PCDHGA3: variants seen among roughly 807,000 people sequenced by gnomAD.
PCDHGA3 encodes the protein protocadherin gamma subfamily A, 3.
PCDHGA3 carries 40 observed loss-of-function variants against 58.5 expected under a neutral mutation model. The observed-to-expected ratio is 0.68, with a 90% CI of 0.53 to 0.89. The LOEUF is 0.89. PCDHGA3 is among the 40% of genes least tolerant of loss of function. PCDHGA3 has a pLI of 0.00. For missense variants in PCDHGA3, 1,223 were observed against 1,195.9 expected (o/e 1.02, Z -0.33); for synonymous variants, 530 against 525.7 (o/e 1.01, Z -0.11).
intron 1 of PCDHGA3, among the ~76,000 whole-genome samples, chr5:141,347,121 T>A (rs1242692658): frequency 2.1e-5 from 3 of 140,036 alleles, no homozygotes; most frequent in Non-Finnish European, 3.2e-5. Context: ...CCTCCTTCCT[T>A]CCTTCCTCTG....
intron 1 of PCDHGA3, among the ~76,000 whole-genome samples, chr5:141,363,553 A>G (rs954649159): frequency 4.6e-5 from 7 of 152,274 alleles, no homozygotes; most frequent in African/African-American, 9.6e-5. Context: ...ATATTTGAAC[A>G]TGGTAATAGA....
intron 1 of PCDHGA3, chr5:141,389,992 T>C (rs1454071261): frequency 6.2e-7 from 1 of 1,614,010 alleles, no homozygotes; most frequent in South Asian, 1.1e-5. Flanking sequence ...CTCTTCCTCG[T>C]GGCCATGATT....
rs746729408 is a variant in PCDHGA3, at chr5:141,344,625, C to T, written c.592C>T (p.Arg198Trp). The change falls in exon 1 of 4, where the codon CGG becomes TGG. Residue 198 changes from arginine to tryptophan, a missense_variant. Arg to Trp is a moderately radical substitution (Grantham distance 101, BLOSUM62 -3). Transcript: ENST00000253812. ...CAAGTATCCAGAGCTGGTGCTGGAG[C>T]GGGCCCTGGACCGTGAGAAAAAAGA... ...GAKYPELVLE[R>W]ALDREKKEIH... is the part of the protein sequence containing the mutation. 5 of 1,613,934 alleles carry T rather than the reference C, an allele frequency of 3.1e-6. No homozygotes were observed. Among genetic ancestry groups the T allele is most frequent in the East Asian group, 4.5e-5 (2 of 44,878 alleles).
At chr5:141,419,184 T>A in intron 1 of PCDHGA3, 1 of 1,613,938 alleles carries the variant, frequency 6.2e-7, no homozygotes, top group Non-Finnish European at 8.5e-7. Context: ...ACCCTGCACA[T>A]TACTGACGTC....
chr5:141,442,798 A>G (rs1055527090), intron 1 of PCDHGA3, among the ~76,000 whole-genome samples: 1 of 152,256 alleles, frequency 6.6e-6, no homozygotes, highest in East Asian at 1.9e-4. Flanking sequence ...TTTTACTTTG[A>G]TATTCAAATT....
intron 1 of PCDHGA3, chr5:141,362,659 C>A: frequency 7.4e-7 from 1 of 1,352,228 alleles, no homozygotes; most frequent in Non-Finnish European, 9.9e-7. Flanking sequence ...TAGATTTGGC[C>A]AATGTTGTGC....
rs1380943019 is a variant in PCDHGA3 at position 141,389,411 on chromosome 5, C to T, written c.2424+42954C>T. ...CCTACGTGTCCATAAGCGCGGAGAG[C>T]GGGGTGGTGTTCGCGCAGCGCGCCT... is the stretch of plus-strand genomic sequence containing the variant. On this transcript the variant is annotated intron_variant, in intron 1 of 3. Coordinates refer to ENST00000253812, the MANE Select transcript of PCDHGA3 (RefSeq NM_018916.4). 8 of 1,613,450 alleles carry T rather than the reference C, an allele frequency of 5.0e-6. No homozygotes were observed. The East Asian group carries it at 6.7e-5, about 13-fold the overall frequency.
At chr5:141,444,329 G>A (rs536314842) in intron 1 of PCDHGA3, among the ~76,000 whole-genome samples, 17 of 151,674 alleles carry the variant, frequency 1.1e-4, no homozygotes, top group Admixed American at 1.1e-3. Flanking sequence ...GTGCCACCAC[G>A]CCCAGCTAAT....
chr5:141,371,961 G>A (rs532361069), intron 1 of PCDHGA3: 18 of 1,613,240 alleles, frequency 1.1e-5, no homozygotes, highest in African/African-American at 2.7e-5. Context: ...CTTCGACCAC[G>A]AGCAGCTGCG....
At chr5:141,448,074 G>A (rs1008235342) in intron 1 of PCDHGA3, among the ~76,000 whole-genome samples, 3 of 151,152 alleles carry the variant, frequency 2.0e-5, no homozygotes, top group Admixed American at 1.3e-4. Context: ...CAACATGAAC[G>A]AAATGCCATC....
intron 1 of PCDHGA3, among the ~76,000 whole-genome samples, chr5:141,373,006 G>GCCT (rs775944130): frequency 4.6e-5 from 7 of 152,146 alleles, no homozygotes; most frequent in Non-Finnish European, 8.8e-5. Context: ...TTCATAGAAA[G>GCCT]CCTCCTTTTG....
chr5:141,414,210 T>G (rs1252033650), intron 1 of PCDHGA3: 1 of 1,612,706 alleles, frequency 6.2e-7, no homozygotes, highest in Admixed American at 1.7e-5. Context: ...AAGATGTAAA[T>G]GACAACAGTC....
chr5:141,418,080 A>T (rs1590086455), intron 1 of PCDHGA3: 1 of 1,614,046 alleles, frequency 6.2e-7, no homozygotes, highest in East Asian at 2.2e-5. Flanking sequence ...GAGAAGCTGC[A>T]CTTCAGCGTA....
At chr5:141,399,624 T>C (rs1006867896) in intron 1 of PCDHGA3, 9 of 1,613,898 alleles carry the variant, frequency 5.6e-6, no homozygotes, top group African/African-American at 4.0e-5. Flanking sequence ...CACTGGCCTC[T>C]TACGTGTCCA....
At chr5:141,418,369 C>G (rs763319499) in intron 1 of PCDHGA3, 62 of 1,613,842 alleles carry the variant, frequency 3.8e-5, no homozygotes, top group Non-Finnish European at 4.8e-5. Context: ...TGAGCAAATA[C>G]CAACTAAGTC....
chr5:141,370,017 C>T lies in PCDHGA3; in HGVS notation c.2424+23560C>T, dbSNP rs1160186023. Among the ~76,000 whole-genome samples the T allele has an allele frequency of 2.0e-5, 3 of 152,276 alleles. No individual in the cohort carries two copies. In the East Asian group the frequency reaches 5.8e-4, roughly 29 times the overall value. On this transcript the variant is annotated intron_variant, in intron 1 of 3. Transcript: ENST00000253812. Reference sequence around the variant, plus strand: ...AGCTCAAATTAAAAGAAATAACAGACTAAAGATATAGTAAGTATATTTAAT... The same window carrying T: ...AGCTCAAATTAAAAGAAATAACAGATTAAAGATATAGTAAGTATATTTAAT...
At chr5:141,385,135 G>T (rs948872903) in intron 1 of PCDHGA3, 7 of 1,614,214 alleles carry the variant, frequency 4.3e-6, no homozygotes, top group African/African-American at 2.7e-5. Context: ...CATGGACGGG[G>T]TGCAGGCTTT....
At position 141,487,448 on chromosome 5, in the gene PCDHGA3, C is replaced by T; in HGVS notation, c.2425-7359C>T. The stretch of plus-strand genomic sequence containing the variant: ...CCGAATCCAGCTAGGGTCAGATGAC[C>T]CTATCAAGTTTGTTGATGTGGGAGG... On this transcript the variant is annotated intron_variant, in intron 1 of 3. Coordinates refer to ENST00000253812, the MANE Select transcript of PCDHGA3 (RefSeq NM_018916.4). The surrounding 1 kb of genome is among the most constrained non-coding windows in gnomAD (Gnocchi z 5.0). 6.8e-6 allele frequency: 11 copies of T among 1,614,146 alleles called. No individual in the cohort carries two copies. The highest frequency in any genetic ancestry group is 9.3e-6 in the Non-Finnish European group (11 of 1,180,028).
chr5:141,362,454 A>G (rs1762511081), intron 1 of PCDHGA3: 1 of 1,614,056 alleles, frequency 6.2e-7, no homozygotes, highest in Non-Finnish European at 8.5e-7. Flanking sequence ...TAACCCCGGA[A>G]TTGGTTCCCG....
Sources: allele counts gnomAD v4.1 joint callset (sites outside exome capture counted in the v4.1 genomes callset), GRCh38; gene constraint gnomAD v4.1.1; non-coding constraint Gnocchi (gnomAD v3.1); transcripts MANE v1.5; gene names NCBI Gene and HGNC (gene_info 2026-07-23, HGNC 2026-07-21).